ATP8B1: variants seen among roughly 807,000 people sequenced by gnomAD.
ATP8B1 encodes the protein ATPase phospholipid transporting 8B1.
Under a neutral mutation model 149.9 loss-of-function variants are expected in ATP8B1, and 80 were observed. That is an observed-to-expected ratio of 0.53 (90% CI 0.45 to 0.64). ATP8B1 has a LOEUF of 0.64. Ranked by LOEUF, ATP8B1 falls within the 30% of genes least tolerant of loss-of-function variation. The probability of loss-of-function intolerance (pLI) is 0.00; values close to 1 mark genes in which losing one functional copy is unlikely to be tolerated. For synonymous variants in ATP8B1, 536 were observed against 562.8 expected (o/e 0.95, Z 0.67); for missense variants, 1,247 against 1,552.6 (o/e 0.80, Z 3.31).
At chr18:57,653,027 G>C (rs1909730370) in intron 24 of ATP8B1, among the ~76,000 whole-genome samples, 1 of 152,096 alleles carries the variant, frequency 6.6e-6, no homozygotes, top group African/African-American at 2.4e-5. Context: ...GGAGGCTACT[G>C]TTTTTACCTC....
intron 4 of ATP8B1, among the ~76,000 whole-genome samples, chr18:57,701,810 T>C (rs1568202718): frequency 6.6e-6 from 1 of 151,856 alleles, no homozygotes; most frequent in African/African-American, 2.4e-5. Context: ...ATTCTCCTGC[T>C]TCAGCCTCCT....
intron 2 of ATP8B1, among the ~76,000 whole-genome samples, chr18:57,728,595 A>G (rs898416470): frequency 6.6e-6 from 1 of 152,122 alleles, no homozygotes; most frequent in African/African-American, 2.4e-5. Flanking sequence ...AGGTATTAGA[A>G]TAAGAATTTT....
chr18:57,671,129 T>A (rs1398487011), intron 17 of ATP8B1, among the ~76,000 whole-genome samples: 1 of 152,224 alleles, frequency 6.6e-6, no homozygotes, highest in Non-Finnish European at 1.5e-5. Context: ...AGTGGAGGTC[T>A]TGGGGACCAC....
At chr18:57,669,539 T>A in intron 17 of ATP8B1, 57 bp from the exon 18 acceptor site, 2 of 1,515,730 alleles carry the variant, frequency 1.3e-6, no homozygotes, top group Non-Finnish European at 1.8e-6. Flanking sequence ...TTTATGTAAT[T>A]CAGGATCAAG....
intron 1 of ATP8B1, among the ~76,000 whole-genome samples, chr18:57,800,922 G>A (rs775600223): frequency 2.6e-5 from 4 of 152,192 alleles, no homozygotes. Context: ...GACTCCATTA[G>A]CACTAAGATC....
At chr18:57,791,690 G>T (rs2080466229) in intron 1 of ATP8B1, among the ~76,000 whole-genome samples, 1 of 152,016 alleles carries the variant, frequency 6.6e-6, no homozygotes, top group Admixed American at 6.6e-5. Context: ...AATCATATGG[G>T]TACACCAATT....
At chr18:57,793,212 C>G (rs2080480060) in intron 1 of ATP8B1, among the ~76,000 whole-genome samples, 1 of 152,184 alleles carries the variant, frequency 6.6e-6, no homozygotes, top group African/African-American at 2.4e-5. Flanking sequence ...CTCTCTCACA[C>G]CCCACATCCC....
chr18:57,720,146 A>G (rs1325769706), intron 2 of ATP8B1, among the ~76,000 whole-genome samples: 6 of 150,878 alleles, frequency 4.0e-5, no homozygotes, highest in African/African-American at 1.2e-4. Context: ...AAGATGGGGA[A>G]AAAACAGAAC....
chr18:57,652,478 A>G lies in ATP8B1; in HGVS notation c.3261+6T>C, dbSNP rs1251124961. ...ACACTGAATACGGCCAATGAAAGCC[A>G]CGTACCTGGAAATTGACTGTTATTA... On this transcript the variant is annotated splice_donor_region_variant and intron_variant, in intron 25 of 27. Coordinates refer to ENST00000648908, the MANE Select transcript of ATP8B1 (RefSeq NM_001374385.1). 6.2e-7 allele frequency: 1 copy of G among 1,614,116 alleles called. No individual in the cohort carries two copies. Among genetic ancestry groups the G allele is most frequent in the East Asian group, 2.2e-5 (1 of 44,902 alleles).
chr18:57,781,150 G>T (rs4941086), intron 1 of ATP8B1, among the ~76,000 whole-genome samples: 1 of 152,040 alleles, frequency 6.6e-6, no homozygotes, highest in Admixed American at 6.6e-5. Context: ...AAAATCACTT[G>T]GGAAACTCCA....
At chr18:57,742,693 G>A (rs533066027) in intron 1 of ATP8B1, among the ~76,000 whole-genome samples, 96 of 152,012 alleles carry the variant, frequency 6.3e-4, no homozygotes, top group Non-Finnish European at 4.7e-4. Context: ...AGAATTAGCT[G>A]GGCACCTGTA....
At chr18:57,666,687 C>T (rs1263167528) in intron 20 of ATP8B1, among the ~76,000 whole-genome samples, 2 of 152,062 alleles carry the variant, frequency 1.3e-5, no homozygotes, top group Admixed American at 6.6e-5. Context: ...AGGCACCGGG[C>T]ACCACACCCA....
intron 15 of ATP8B1, among the ~76,000 whole-genome samples, chr18:57,676,376 A>AT (rs1382435561): frequency 1.3e-5 from 2 of 150,288 alleles, no homozygotes; most frequent in African/African-American, 2.5e-5. Context: ...TGCCCAGGCT[A>AT]TTTTTTCTTT....
At chr18:57,731,097 G>C (rs319435) in intron 2 of ATP8B1, among the ~76,000 whole-genome samples, 149,491 of 151,976 alleles carry the variant, frequency 0.98, 73,566 homozygotes, top group East Asian at 1. Context: ...AGTTTGAGAC[G>C]AGCCTGGGCA....
At chr18:57,713,244 T>TTCCTTCC (rs1913814253) in intron 2 of ATP8B1, among the ~76,000 whole-genome samples, 1 of 81,260 alleles carries the variant, frequency 1.2e-5, no homozygotes, top group African/African-American at 5.0e-5. Context: ...TCCTTCCTTC[T>TTCCTTCC]TTCTTTCTTT....
chr18:57,760,363 G>C (rs1027022730), intron 1 of ATP8B1, among the ~76,000 whole-genome samples: 17 of 152,228 alleles, frequency 1.1e-4, no homozygotes, highest in African/African-American at 3.9e-4. Flanking sequence ...AGAACCAGCA[G>C]AGGGAAAGGG....
At chr18:57,681,675 C>T (rs1911981096) in intron 15 of ATP8B1, among the ~76,000 whole-genome samples, 2 of 151,942 alleles carry the variant, frequency 1.3e-5, no homozygotes, top group Admixed American at 1.3e-4. Context: ...GTGGTGGGCC[C>T]CTGTAGTCCC....
At chr18:57,689,381 T>C (rs962849521) in intron 12 of ATP8B1, among the ~76,000 whole-genome samples, 1 of 152,074 alleles carries the variant, frequency 6.6e-6, no homozygotes, top group Non-Finnish European at 1.5e-5. Context: ...TTATAGAATA[T>C]CCAAAATAAG....
chr18:57,691,741 G>A (rs1912539409), intron 12 of ATP8B1, 66 bp downstream of exon 12: 1 of 1,557,692 alleles, frequency 6.4e-7, no homozygotes, highest in African/African-American at 1.4e-5. Flanking sequence ...AGAAATGAAG[G>A]CACTATGTTG....
Sources: gnomAD v4.1 joint callset for allele counts (sites outside exome capture counted in the v4.1 genomes callset) on GRCh38, gnomAD v4.1.1 for gene constraint, MANE v1.5 for transcripts, NCBI Gene and HGNC (gene_info 2026-07-23, HGNC 2026-07-21) for gene names.